MTG1: variants seen among roughly 807,000 people sequenced by gnomAD.
MTG1 encodes mitochondrial ribosome associated GTPase 1.
MTG1 carries 30 observed loss-of-function variants against 39.5 expected under a neutral mutation model. The observed-to-expected ratio is 0.76, with a 90% confidence interval of 0.57 to 1.03. The LOEUF (loss-of-function observed/expected upper bound fraction) is 1.03, where lower values mean the gene tolerates loss of function less well. Ranked by LOEUF, MTG1 falls within the 50% of genes least tolerant of loss-of-function variation. The pLI is 0.00. For missense variants in MTG1, 513 were observed against 447.4 expected (o/e 1.15, Z -1.32); for synonymous variants, 217 against 179.0 (o/e 1.21, Z -1.69).
At position 133,401,765 on chromosome 10, in the gene MTG1, A is replaced by G. The variant is rs180675795; in HGVS notation, c.573+175A>G. On this transcript the variant is annotated intron_variant, in intron 7 of 10. Coordinates refer to ENST00000317502, the MANE Select transcript of MTG1 (RefSeq NM_138384.4). ...CCCCTGCCCTTATTCCACAGTCGTC[A>G]TAGTCTTTGCGCCAAACCTTTGGGG... 1.6e-4 allele frequency: 119 copies of G among 729,200 alleles called. No individual in the cohort carries two copies. In the African/African-American group the frequency reaches 1.8e-3, roughly 11 times the overall value. The allele number at this position is 729,200 out of a possible 1,614,324, so 45.2% of individuals were successfully genotyped here.
At chr10:133,403,060 C>T (rs80063864) in intron 9 of MTG1, among the ~76,000 whole-genome samples, 5 of 138,606 alleles carry the variant, frequency 3.6e-5, no homozygotes, top group Admixed American at 1.5e-4. Context: ...GCTCCTCCTT[C>T]GTGAAATCAA....
At chr10:133,401,457 AC>A (rs1336152219) in intron 6 of MTG1, 71 bp from the exon 7 acceptor site, 1 of 1,331,070 alleles carries the variant, frequency 7.5e-7, no homozygotes, top group East Asian at 2.3e-5. Context: ...TTTGTTACAT[AC>A]GTCTCCCTAC....
At position 133,398,603 on chromosome 10, in the gene MTG1, C is replaced by T. The variant is rs891932871; in HGVS notation, c.363+88C>T. On this transcript the variant is annotated intron_variant, in intron 4 of 10. Coordinates refer to ENST00000317502, the MANE Select transcript of MTG1 (RefSeq NM_138384.4). ...AACTGTTTTATGCTTTAGTAAGAAG[C>T]AGAGCTTTGGAAAAGATCCTAGGTG... The T allele has an allele frequency of 2.8e-6, 4 of 1,433,100 alleles. No homozygotes were observed. In the African/African-American group the frequency reaches 4.3e-5, roughly 15 times the overall value. 88.8% of individuals were successfully genotyped at this position (1,433,100 alleles called of 1,614,324 possible).
At position 133,398,516 on chromosome 10, in the gene MTG1, G is replaced by T; in HGVS notation, c.363+1G>T. On this transcript the variant is annotated splice_donor_variant, in intron 4 of 10. Transcript: ENST00000317502. LOFTEE classifies it high-confidence loss of function. ...TGTAAAGGATGAAAATGTCAAGCAG[G>T]TAGGCTTTTCGTCTGTGCTCTCTCT... 3 of 1,613,358 alleles carry T rather than the reference G, an allele frequency of 1.9e-6. No homozygotes were observed. The highest frequency in any genetic ancestry group is 2.5e-6 in the Non-Finnish European group (3 of 1,179,822).
chr10:133,399,395 G>A lies in MTG1; in HGVS notation c.421-134G>A, dbSNP rs922418529. 18 of 1,182,896 alleles carry A rather than the reference G, an allele frequency of 1.5e-5. No homozygotes were observed. The African/African-American group carries it at 2.1e-4, about 14-fold the overall frequency. 73.3% of individuals were successfully genotyped at this position (1,182,896 alleles called of 1,614,324 possible). ...GGCCGAGGCCGTCCCCGCTGGGTGG[G>A]CAGAGCCTCGGCGTTAACCTCCCTT... is the stretch of plus-strand genomic sequence containing the variant. On this transcript the variant is annotated intron_variant, in intron 5 of 10. Transcript: ENST00000317502.
chr10:133,401,266 G>A (rs747953347), intron 6 of MTG1, among the ~76,000 whole-genome samples: 7 of 152,206 alleles, frequency 4.6e-5, no homozygotes, highest in East Asian at 1.9e-4. Context: ...TCTCTGTGTG[G>A]CTTGGAAAGT....
intron 9 of MTG1, among the ~76,000 whole-genome samples, chr10:133,405,149 G>A (rs958892440): frequency 3.3e-5 from 5 of 152,294 alleles, no homozygotes; most frequent in African/African-American, 1.2e-4. Flanking sequence ...TCTCTGACCC[G>A]TGAATATAGT....
intron 1 of MTG1, chr10:133,394,562 CA>C: frequency 2.2e-6 from 3 of 1,334,860 alleles, no homozygotes; most frequent in East Asian, 3.2e-5. Context: ...CCCCGCGGCG[CA>C]GCCTCGGACC....
chr10:133,400,979 C>G (rs1849866149), intron 6 of MTG1, among the ~76,000 whole-genome samples: 1 of 152,222 alleles, frequency 6.6e-6, no homozygotes, highest in African/African-American at 2.4e-5. Context: ...CCTGTCTTGT[C>G]CATTCATCTG....
chr10:133,394,493 G>C (rs1849751386), intron 1 of MTG1, 161 bp downstream of exon 1: 11 of 1,340,400 alleles, frequency 8.2e-6, no homozygotes, highest in Non-Finnish European at 1.0e-5. Context: ...ACCCGCTCCC[G>C]GAGCCGCCGG....
intron 9 of MTG1, among the ~76,000 whole-genome samples, chr10:133,413,096 T>C (rs775141658): frequency 2.6e-5 from 4 of 152,194 alleles, no homozygotes; most frequent in Non-Finnish European, 5.9e-5. Flanking sequence ...CTTTCTTGTC[T>C]GATATTAATA....
At chr10:133,409,776 T>C (rs1308636669) in intron 9 of MTG1, among the ~76,000 whole-genome samples, 2 of 152,214 alleles carry the variant, frequency 1.3e-5, no homozygotes, top group Non-Finnish European at 2.9e-5. Context: ...GTATAGTGAC[T>C]TTCTCTGTGT....
rs748287635 is a variant in MTG1 at position 133,399,616 on chromosome 10, A to G, written c.508A>G (p.Lys170Glu). 1 of 1,613,516 alleles carries G rather than the reference A, an allele frequency of 6.2e-7. No homozygotes were observed. Among genetic ancestry groups the G allele is most frequent in the South Asian group, 1.1e-5 (1 of 90,674 alleles). ...INSLRRQHLR[K>E]GKATRVGGEP... Reference sequence around the variant, plus strand: ...CTCCCTCCGGAGGCAGCACCTCAGGAAAGGTACTGGCGCGTGCGGCTGATC... The same window carrying G: ...CTCCCTCCGGAGGCAGCACCTCAGGGAAGGTACTGGCGCGTGCGGCTGATC... Residue 170 changes from lysine to glutamate, a missense_variant, in exon 6 of 11, where the codon AAA (lysine) becomes GAA (glutamate). Lys to Glu is a moderately conservative substitution (Grantham distance 56, BLOSUM62 1). Coordinates refer to ENST00000317502, the MANE Select transcript of MTG1 (RefSeq NM_138384.4).
intron 9 of MTG1, among the ~76,000 whole-genome samples, chr10:133,406,110 C>T (rs556649773): frequency 3.3e-5 from 5 of 152,236 alleles, no homozygotes; most frequent in African/African-American, 1.2e-4. Context: ...TTTTTTCATA[C>T]ACTTGTTGGC....
At position 133,398,632 on chromosome 10, in the gene MTG1, G is replaced by A. The variant is rs60993176; in HGVS notation, c.363+117G>A. ...GCTTTGGAAAAGATCCTAGGTGTTG[G>A]TTTCCAGCTGCCACACACGGATGCG... On this transcript the variant is annotated intron_variant, in intron 4 of 10. Transcript: ENST00000317502. 12,327 of 1,177,596 alleles carry A rather than the reference G, an allele frequency of 0.01. 829 individuals are homozygous for A. The African/African-American group carries it at 0.15, about 15-fold the overall frequency. The allele number at this position is 1,177,596 out of a possible 1,614,324, so 72.9% of individuals were successfully genotyped here. A position where few individuals can be genotyped will look rare whatever the true frequency, so the allele number is the denominator to read the frequency against.
At chr10:133,394,508 C>G (rs1199779624) in intron 1 of MTG1, 176 bp downstream of exon 1, 4 of 1,343,998 alleles carry the variant, frequency 3.0e-6, no homozygotes, top group Non-Finnish European at 3.8e-6. Flanking sequence ...CGCCGGGACC[C>G]CTTCCCCTGC....
At chr10:133,411,149 T>C (rs887451839) in intron 9 of MTG1, among the ~76,000 whole-genome samples, 3 of 152,202 alleles carry the variant, frequency 2.0e-5, no homozygotes, top group Non-Finnish European at 4.4e-5. Flanking sequence ...GAAAGTTGGG[T>C]CTGATGAATT....
chr10:133,415,990 C>CGGGTGTCGGCACGT (rs1564823352), intron 9 of MTG1, among the ~76,000 whole-genome samples: 33 of 145,520 alleles, frequency 2.3e-4, no homozygotes, highest in Non-Finnish European at 4.1e-4. Flanking sequence ...TGTCGGCACG[C>CGGGTGTCGGCACGT]GGGTGTCGGG....
At chr10:133,409,967 G>T (rs78041213) in intron 9 of MTG1, among the ~76,000 whole-genome samples, 1 of 149,452 alleles carries the variant, frequency 6.7e-6, no homozygotes, top group Admixed American at 6.7e-5. Flanking sequence ...TTCAGTCTGC[G>T]TATGTCTTTA....
Sources: allele counts gnomAD v4.1 joint callset (sites outside exome capture counted in the v4.1 genomes callset), GRCh38; gene constraint gnomAD v4.1.1; transcripts MANE v1.5; gene names NCBI Gene and HGNC (gene_info 2026-07-23, HGNC 2026-07-21).